Variants in ZNF678 observed in about 807,000 individuals in gnomAD.
ZNF678 encodes hypothetical protein MGC42493.
In ZNF678, 5 loss-of-function variants were observed where a neutral mutation model predicts 3.0. The ratio of observed to expected loss-of-function variants is 1.69; its 90% CI spans 0.88 to 3.56. ZNF678 has a LOEUF of 3.56. Ranked by LOEUF, ZNF678 falls within the 30% of genes most tolerant of loss-of-function variation. The pLI is 0.00. For synonymous variants in ZNF678, 218 were observed against 199.6 expected (o/e 1.09, Z -0.78); for missense variants, 593 against 605.0 (o/e 0.98, Z 0.21).
intron 1 of ZNF678, among the ~76,000 whole-genome samples, chr1:227,600,455 G>A (rs886188823): frequency 6.6e-6 from 1 of 151,874 alleles, no homozygotes; most frequent in African/African-American, 2.4e-5. Context: ...GTTTTGTTTT[G>A]TTATTTTCTG....
At chr1:227,676,603 T>C (rs1166648998) in intron 5 of ZNF678, among the ~76,000 whole-genome samples, 4 of 152,110 alleles carry the variant, frequency 2.6e-5, no homozygotes, top group Non-Finnish European at 4.4e-5. Context: ...ACATGTGCCA[T>C]GTTGGTGTGC....
intron 1 of ZNF678, among the ~76,000 whole-genome samples, chr1:227,637,223 T>C (rs1037093664): frequency 6.6e-6 from 1 of 152,218 alleles, no homozygotes; most frequent in African/African-American, 2.4e-5. Flanking sequence ...TGGGCAGTTG[T>C]AGCTTCAGGT....
intron 1 of ZNF678, among the ~76,000 whole-genome samples, chr1:227,587,250 GA>G (rs972222812): frequency 1.3e-4 from 10 of 74,846 alleles, no homozygotes; most frequent in Non-Finnish European, 2.3e-4. Context: ...GAGCATGTTA[GA>G]TTTTTTTTTT....
Position 227,566,024 on chromosome 1 carries a change from G to A in ZNF678, c.-164+2300G>A, listed in dbSNP as rs189698637. ...GATCCGCCCACCTCAGCCTCCCAAA[G>A]TGCTGGGATTACAGGCGTGAGCCAC... On this transcript the variant is annotated intron_variant, in intron 1 of 3. Transcript: ENST00000343776. 6.3e-3 allele frequency among the ~76,000 whole-genome samples: 955 copies of A among 152,218 alleles called. 10 individuals are homozygous for A. Among genetic ancestry groups the A allele is most frequent in the African/African-American group, 0.022 (908 of 41,522 alleles).
At chr1:227,652,345 AAAGTTAG>A (rs1219799557) in intron 3 of ZNF678, among the ~76,000 whole-genome samples, 1 of 152,166 alleles carries the variant, frequency 6.6e-6, no homozygotes, top group Non-Finnish European at 1.5e-5. Flanking sequence ...CCAGTCGTCT[AAAGTTAG>A]TGTCTTGGAG....
At chr1:227,595,513 A>G (rs1657559047) in intron 1 of ZNF678, among the ~76,000 whole-genome samples, 1 of 152,164 alleles carries the variant, frequency 6.6e-6, no homozygotes, top group African/African-American at 2.4e-5. Context: ...TCCTGGTGTC[A>G]TAGTACTCCA....
chr1:227,655,848 G>T lies in ZNF678; in HGVS notation c.*20G>T, dbSNP rs1009152049. 6.5e-7 allele frequency: 1 copy of T among 1,538,224 alleles called. No individual in the cohort carries two copies. Among genetic ancestry groups the T allele is most frequent in the East Asian group, 2.3e-5 (1 of 44,392 alleles). On this transcript the variant is annotated 3_prime_UTR_variant, in exon 4 of 4. Coordinates refer to ENST00000343776, the MANE Select transcript of ZNF678 (RefSeq NM_001367909.1). ...CTTTAAAAACTGCTTCATTATACAT[G>T]GCTTCACTAATTTCATACTGAATAA...
At chr1:227,594,416 A>G (rs1490973892) in intron 1 of ZNF678, among the ~76,000 whole-genome samples, 1 of 152,188 alleles carries the variant, frequency 6.6e-6, no homozygotes, top group Non-Finnish European at 1.5e-5. Context: ...GTTAAAGAGC[A>G]GGTTGGTGCT....
At chr1:227,565,078 T>G (rs1656638763) in intron 1 of ZNF678, among the ~76,000 whole-genome samples, 1 of 141,836 alleles carries the variant, frequency 7.1e-6, no homozygotes, top group South Asian at 2.4e-4. Context: ...TTTTTTTTTT[T>G]TTGGTTGAGT....
chr1:227,577,035 A>G (rs1657003597), intron 1 of ZNF678, among the ~76,000 whole-genome samples: 1 of 152,062 alleles, frequency 6.6e-6, no homozygotes, highest in South Asian at 2.1e-4. Flanking sequence ...CCATGTAATT[A>G]TATGGTTTTG....
intron 1 of ZNF678, among the ~76,000 whole-genome samples, chr1:227,642,405 A>G (rs1467258185): frequency 1.3e-5 from 2 of 152,212 alleles, no homozygotes; most frequent in African/African-American, 4.8e-5. Context: ...CTTTAAGTGT[A>G]AACAAGTACC....
At chr1:227,602,929 A>G (rs146831280) in intron 1 of ZNF678, among the ~76,000 whole-genome samples, 1 of 152,318 alleles carries the variant, frequency 6.6e-6, no homozygotes, top group East Asian at 1.9e-4. Context: ...TCAGGAGTTC[A>G]AGGCTATAAT....
intron 1 of ZNF678, among the ~76,000 whole-genome samples, chr1:227,589,237 C>T (rs964387868): frequency 6.6e-6 from 1 of 151,712 alleles, no homozygotes; most frequent in Admixed American, 6.6e-5. Context: ...CTGAATGGTA[C>T]TACCTAGATT....
intron 1 of ZNF678, among the ~76,000 whole-genome samples, chr1:227,588,104 T>C (rs1031815837): frequency 1.3e-5 from 2 of 152,184 alleles, no homozygotes; most frequent in Admixed American, 1.3e-4. Context: ...GTTTCTACAT[T>C]AGTTTGCTGA....
chr1:227,649,478 G>C (rs1659040375), intron 2 of ZNF678, among the ~76,000 whole-genome samples: 2 of 152,114 alleles, frequency 1.3e-5, no homozygotes, highest in Non-Finnish European at 2.9e-5. Flanking sequence ...AGCCTCCCAG[G>C]TAGCCAAGAT....
intron 1 of ZNF678, among the ~76,000 whole-genome samples, chr1:227,623,088 T>C (rs554090886): frequency 1.0e-3 from 153 of 152,370 alleles, no homozygotes; most frequent in African/African-American, 3.5e-3. Context: ...TTCATAATAG[T>C]GGCAGCATGT....
chr1:227,672,534 C>A (rs974357172), intron 5 of ZNF678, among the ~76,000 whole-genome samples: 2 of 152,120 alleles, frequency 1.3e-5, no homozygotes, highest in African/African-American at 4.8e-5. Context: ...CTCCTACTCA[C>A]ATCATCATCT....
chr1:227,671,855 T>C (rs1373571627), intron 5 of ZNF678, among the ~76,000 whole-genome samples: 2 of 152,160 alleles, frequency 1.3e-5, no homozygotes, highest in Non-Finnish European at 2.9e-5. Flanking sequence ...TATCACTTAA[T>C]GAAAAAATAT....
chr1:227,643,246 T>C (rs1338898463), intron 1 of ZNF678, among the ~76,000 whole-genome samples: 1 of 152,176 alleles, frequency 6.6e-6, no homozygotes, highest in Non-Finnish European at 1.5e-5. Flanking sequence ...TTTTACCTTC[T>C]TAGGAATAAA....
Sources: gnomAD v4.1 joint callset for allele counts (sites outside exome capture counted in the v4.1 genomes callset) on GRCh38, gnomAD v4.1.1 for gene constraint, MANE v1.5 for transcripts, NCBI Gene and HGNC (gene_info 2026-07-23, HGNC 2026-07-21) for gene names.